The following ARHGEF7 variants were observed in gnomAD, a reference collection of about 807,000 sequenced individuals.
The protein encoded by ARHGEF7 is PAK-interacting exchange factor beta.
A neutral mutation model predicts 109.8 loss-of-function variants in ARHGEF7; 33 were observed. The observed-to-expected ratio is 0.30, with a 90% CI of 0.23 to 0.40. The LOEUF is 0.40. Ranked by LOEUF, ARHGEF7 falls within the 10% of genes least tolerant of loss-of-function variation. The pLI is 1.00. For synonymous variants in ARHGEF7, 458 were observed against 424.6 expected, an observed-to-expected ratio of 1.08 and a Z score of -0.97; for missense variants, 938 against 1,098.5, an observed-to-expected ratio of 0.85 and a Z score of 2.07.
At chr13:111,277,309 C>A (rs984470370) in intron 12 of ARHGEF7, among the ~76,000 whole-genome samples, 3 of 152,192 alleles carry the variant, frequency 2.0e-5, no homozygotes, top group African/African-American at 7.2e-5. Flanking sequence ...TTTAATCAGT[C>A]CGTTTACTTT....
intron 1 of ARHGEF7, among the ~76,000 whole-genome samples, chr13:111,120,477 AC>A: frequency 1.3e-5 from 2 of 150,100 alleles, no homozygotes; most frequent in Non-Finnish European, 3.0e-5. Flanking sequence ...GTAAATACAC[AC>A]ACACACAGAC....
intron 2 of ARHGEF7, among the ~76,000 whole-genome samples, chr13:111,172,020 G>A (rs769837052): frequency 6.6e-6 from 1 of 152,188 alleles, no homozygotes; most frequent in African/African-American, 2.4e-5. Context: ...TGGCTTATGA[G>A]CCGCCCAGGT....
chr13:111,160,505 A>T, intron 2 of ARHGEF7, among the ~76,000 whole-genome samples: 1 of 152,114 alleles, frequency 6.6e-6, no homozygotes, highest in East Asian at 1.9e-4. Context: ...CCACACCCAG[A>T]TCTCATCTTG....
chr13:111,153,983 C>T lies in ARHGEF7; in HGVS notation c.244C>T (p.Arg82Trp). ...EFLRGCGASL[R>W]LETFDANDLY... ...CCTGCGCGGCTGCGGGGCTTCCCTGCGGCTGGAGGTGAGCGCGGGCGGCCA... is the reference window on the plus strand; with the variant it reads ...CCTGCGCGGCTGCGGGGCTTCCCTGTGGCTGGAGGTGAGCGCGGGCGGCCA... Residue 82 changes from arginine to tryptophan, a missense_variant, in exon 2 of 22, where the codon CGG becomes TGG. Coordinates refer to ENST00000646102, the MANE Select transcript of ARHGEF7 (RefSeq NM_001354046.2). 1.2e-6 allele frequency: 2 copies of T among 1,600,614 alleles called. No homozygotes were observed. Among genetic ancestry groups the T allele is most frequent in the East Asian group, 2.3e-5 (1 of 43,230 alleles).
In ARHGEF7 at chr13:111,304,855, T is replaced by C. The variant is rs999798248; in HGVS notation, c.*1742T>C. 1 of 152,258 alleles carries C rather than the reference T, an allele frequency of 6.6e-6. No individual in the cohort carries two copies. Among genetic ancestry groups the C allele is most frequent in the Non-Finnish European group, 1.5e-5 (1 of 68,054 alleles). The allele number at this position is 152,258 out of a possible 1,614,324, so 9.4% of individuals were successfully genotyped here. ...GCGGGCACAAGCAAAGATCAACACT[T>C]TCTTTTTTGGTAAGCTTGAGTTTTA... On this transcript the variant is annotated 3_prime_UTR_variant, in exon 22 of 22. Transcript: ENST00000646102.
chr13:111,116,986 G>T (rs1351319723), intron 1 of ARHGEF7, among the ~76,000 whole-genome samples: 1 of 152,314 alleles, frequency 6.6e-6, no homozygotes, highest in East Asian at 1.9e-4. Context: ...GTGAAATTAT[G>T]ATTTAAGACA....
intron 2 of ARHGEF7, among the ~76,000 whole-genome samples, chr13:111,170,904 G>A (rs765071576): frequency 5.9e-5 from 9 of 152,198 alleles, no homozygotes; most frequent in Non-Finnish European, 1.2e-4. Flanking sequence ...TTCTGTTGCA[G>A]ATATAAAAAG....
At chr13:111,267,724 C>G in intron 9 of ARHGEF7, 54 bp downstream of exon 9, 3 of 1,599,436 alleles carry the variant, frequency 1.9e-6, no homozygotes, top group Non-Finnish European at 2.6e-6. Flanking sequence ...CTGTGTCCTT[C>G]AAATAGTGCA....
intron 2 of ARHGEF7, chr13:111,182,510 T>A (rs1231379250): frequency 6.6e-6 from 1 of 152,378 alleles, no homozygotes; most frequent in Non-Finnish European, 1.5e-5. Flanking sequence ...GCTGTGGGCA[T>A]GGCTGGGCCT....
chr13:111,301,490 T>C lies in ARHGEF7; in HGVS notation c.2424T>C (p.Asp808=). Reference sequence around the variant, plus strand: ...TTTCCTGTTTCAGGAGTCTTGTGGATACCGTATATGCATTAAAGGATGAAG... The same window carrying C: ...TTTCCTGTTTCAGGAGTCTTGTGGACACCGTATATGCATTAAAGGATGAAG... ...QTVIEEKSLV[D]TVYALKDEVQ... The change falls in exon 21 of 22, where the codon GAT becomes GAC. Residue 808 remains aspartate, a synonymous_variant. Transcript: ENST00000646102. 1 of 1,613,354 alleles carries C rather than the reference T, an allele frequency of 6.2e-7. No individual in the cohort carries two copies. The highest frequency in any genetic ancestry group is 8.5e-7 in the Non-Finnish European group (1 of 1,179,314).
chr13:111,127,302 C>T (rs2067631742), intron 1 of ARHGEF7, among the ~76,000 whole-genome samples: 2 of 152,106 alleles, frequency 1.3e-5, no homozygotes, highest in South Asian at 4.1e-4. Context: ...GATAGTTTCA[C>T]TGGTAAATTC....
intron 18 of ARHGEF7, 68 bp from the exon 19 acceptor site, chr13:111,292,050 G>C: frequency 7.4e-7 from 1 of 1,350,106 alleles, no homozygotes; most frequent in Non-Finnish European, 1.0e-6. Context: ...TTTTGGTTGT[G>C]GCTCTTCCTG....
Position 111,266,806 on chromosome 13 carries a change from A to C in ARHGEF7, c.951-742A>C. ...GGTGCAGGGAAGGTGGTAAGAGTTC[A>C]CGTGGTTCTCCTGTTTTCAGCACAC... On this transcript the variant is annotated intron_variant, in intron 8 of 21. Coordinates refer to ENST00000646102, the MANE Select transcript of ARHGEF7 (RefSeq NM_001354046.2). This position sits in a 1 kb window ranked among gnomAD's most constrained non-coding sequence, Gnocchi z 4.8. 1 of 456,028 alleles carries C rather than the reference A, an allele frequency of 2.2e-6. No homozygotes were observed. The highest frequency in any genetic ancestry group is 1.5e-5 in the South Asian group (1 of 64,558). 28.2% of individuals were successfully genotyped at this position (456,028 alleles called of 1,614,324 possible).
chr13:111,299,717 C>T (rs1458683946), intron 19 of ARHGEF7, among the ~76,000 whole-genome samples: 1 of 152,146 alleles, frequency 6.6e-6, no homozygotes, highest in African/African-American at 2.4e-5. Flanking sequence ...TGAGGCTGCA[C>T]AGCAAGTGCC....
chr13:111,188,843 G>A (rs1301964130), intron 2 of ARHGEF7, among the ~76,000 whole-genome samples: 1 of 152,128 alleles, frequency 6.6e-6, no homozygotes, highest in Non-Finnish European at 1.5e-5. Context: ...TTTTGATTTT[G>A]TTTTTGCAGG....
chr13:111,291,409 A>G (rs2093277275), intron 18 of ARHGEF7, among the ~76,000 whole-genome samples: 1 of 152,250 alleles, frequency 6.6e-6, no homozygotes, highest in Admixed American at 6.5e-5. Context: ...CGGTGTTGCC[A>G]GCAGACCCAG....
chr13:111,150,846 C>T (rs1290438897), intron 1 of ARHGEF7, among the ~76,000 whole-genome samples: 1 of 152,210 alleles, frequency 6.6e-6, no homozygotes, highest in Non-Finnish European at 1.5e-5. Context: ...TTTTCAAGTT[C>T]ATCGTGCAAT....
chr13:111,256,081 A>G (rs912109319), intron 8 of ARHGEF7, among the ~76,000 whole-genome samples: 1 of 152,204 alleles, frequency 6.6e-6, no homozygotes, highest in Non-Finnish European at 1.5e-5. Context: ...CATTGCCTGT[A>G]TTTGGAATGG....
intron 2 of ARHGEF7, chr13:111,203,250 T>G: frequency 4.5e-6 from 2 of 446,802 alleles, no homozygotes; most frequent in South Asian, 5.6e-5. Context: ...TATTTAAAAA[T>G]GTTATGATGA....
Sources: allele counts gnomAD v4.1 joint callset (sites outside exome capture counted in the v4.1 genomes callset), GRCh38; gene constraint gnomAD v4.1.1; non-coding constraint Gnocchi (gnomAD v3.1); transcripts MANE v1.5; gene names NCBI Gene and HGNC (gene_info 2026-07-23, HGNC 2026-07-21).